SCHIP1: variants seen among roughly 807,000 people sequenced by gnomAD.
The protein encoded by SCHIP1 is schwannomin interacting protein 1.
SCHIP1 carries 8 observed loss-of-function variants against 29.7 expected under a neutral mutation model. The ratio of observed to expected loss-of-function variants is 0.27; its 90% CI spans 0.16 to 0.49. The LOEUF is 0.49. Among genes scored for constraint, SCHIP1 ranks in the 20% least tolerant of loss-of-function variants. SCHIP1 has a pLI of 0.99. For missense variants in SCHIP1, 193 were observed against 294.6 expected (o/e 0.66, Z 2.52); for synonymous variants, 76 against 94.9 (o/e 0.80, Z 1.16).
At chr3:159,539,368 GA>G in the SCHIP1 span, among the ~76,000 whole-genome samples, 1 of 135,982 alleles carries the variant, frequency 7.4e-6, no homozygotes, top group African/African-American at 2.5e-5. Flanking sequence ...GAAAAACAAG[GA>G]AAAAAGAAGA....
At chr3:159,634,222 T>C in the SCHIP1 span, among the ~76,000 whole-genome samples, 1 of 152,160 alleles carries the variant, frequency 6.6e-6, no homozygotes, top group Non-Finnish European at 1.5e-5. Context: ...GTGTATATTT[T>C]AAAAGAAAAA....
the SCHIP1 span, among the ~76,000 whole-genome samples, chr3:159,305,613 G>C: frequency 6.6e-6 from 1 of 152,120 alleles, no homozygotes; most frequent in African/African-American, 2.4e-5. Flanking sequence ...TCAACATGGA[G>C]ATACACTTAA....
chr3:159,497,845 C>G, the SCHIP1 span, among the ~76,000 whole-genome samples: 1 of 152,200 alleles, frequency 6.6e-6, no homozygotes, highest in Non-Finnish European at 1.5e-5. Context: ...CTCACATTAC[C>G]CAAGTACCCT....
At chr3:159,441,975 G>A in the SCHIP1 span, among the ~76,000 whole-genome samples, 4 of 152,090 alleles carry the variant, frequency 2.6e-5, no homozygotes, top group Non-Finnish European at 4.4e-5. Context: ...GGAATTATAA[G>A]CAGGAGGGAA....
At chr3:159,812,449 A>G in the SCHIP1 span, among the ~76,000 whole-genome samples, 1 of 152,208 alleles carries the variant, frequency 6.6e-6, no homozygotes, top group African/African-American at 2.4e-5. Flanking sequence ...TGATATTTCT[A>G]TGTTAAGGCC....
the SCHIP1 span, among the ~76,000 whole-genome samples, chr3:159,596,231 T>TA: frequency 6.6e-6 from 1 of 152,062 alleles, no homozygotes; most frequent in African/African-American, 2.4e-5. Context: ...GAGAAATGCA[T>TA]ATCAAAACCA....
the SCHIP1 span, among the ~76,000 whole-genome samples, chr3:159,734,135 CTT>C: frequency 4.3e-3 from 430 of 100,874 alleles, no homozygotes; most frequent in African/African-American, 0.011. Flanking sequence ...TTATTGTTTA[CTT>C]TTTTTTTTTT....
chr3:159,560,631 C>G, the SCHIP1 span, among the ~76,000 whole-genome samples: 1 of 152,142 alleles, frequency 6.6e-6, no homozygotes, highest in Admixed American at 6.6e-5. Flanking sequence ...ATGTTTTATT[C>G]CCATCATTGG....
At chr3:159,866,968 T>G (rs1003849998) in intron 2 of SCHIP1, among the ~76,000 whole-genome samples, 12 of 143,518 alleles carry the variant, frequency 8.4e-5, no homozygotes, top group African/African-American at 2.2e-4. Context: ...AAATGAAGAC[T>G]CTGATTCAGT....
At chr3:159,273,905 C>T in the SCHIP1 span, 2 of 1,612,316 alleles carry the variant, frequency 1.2e-6, no homozygotes, top group Non-Finnish European at 8.5e-7. Context: ...AAATGTCTAC[C>T]ATCTATTTTA....
At chr3:159,594,199 G>A in the SCHIP1 span, among the ~76,000 whole-genome samples, 1 of 152,220 alleles carries the variant, frequency 6.6e-6, no homozygotes, top group Admixed American at 6.5e-5. Context: ...GGAAGAAATG[G>A]CAACTTGGTG....
chr3:159,870,032 A>G (rs1169465208), intron 2 of SCHIP1, among the ~76,000 whole-genome samples: 1 of 151,988 alleles, frequency 6.6e-6, no homozygotes, highest in African/African-American at 2.4e-5. Flanking sequence ...GCTGGTGAAC[A>G]GAAATGCAAT....
At chr3:159,548,648 TTTAC>T in the SCHIP1 span, among the ~76,000 whole-genome samples, 1 of 152,070 alleles carries the variant, frequency 6.6e-6, no homozygotes, top group Non-Finnish European at 1.5e-5. Flanking sequence ...CTCTCTTAAG[TTTAC>T]TTACGCTTTC....
chr3:159,681,510 T>A, the SCHIP1 span, among the ~76,000 whole-genome samples: 3 of 152,206 alleles, frequency 2.0e-5, no homozygotes, highest in Non-Finnish European at 4.4e-5. Flanking sequence ...TTCATTGCAA[T>A]CATAGCATGG....
the SCHIP1 span, among the ~76,000 whole-genome samples, chr3:159,555,556 TTGA>T: frequency 6.6e-6 from 1 of 152,214 alleles, no homozygotes; most frequent in South Asian, 2.1e-4. Context: ...CTGCTCTTTC[TTGA>T]TGAGCAAATT....
At chr3:159,458,474 A>G in the SCHIP1 span, among the ~76,000 whole-genome samples, 1 of 152,216 alleles carries the variant, frequency 6.6e-6, no homozygotes, top group Admixed American at 6.5e-5. Context: ...GCTCCTGGAA[A>G]CTAAGAACAA....
intron 1 of SCHIP1, among the ~76,000 whole-genome samples, chr3:159,857,010 A>G (rs2109161711): frequency 6.6e-6 from 1 of 152,292 alleles, no homozygotes; most frequent in Non-Finnish European, 1.5e-5. Flanking sequence ...AACCATGTTA[A>G]GTTACCGAAG....
the SCHIP1 span, among the ~76,000 whole-genome samples, chr3:159,433,026 C>G: frequency 2.0e-4 from 31 of 152,214 alleles, no homozygotes; most frequent in African/African-American, 7.5e-4. Flanking sequence ...TCTAACATAG[C>G]ACAATAAAAA....
the SCHIP1 span, among the ~76,000 whole-genome samples, chr3:159,648,227 A>G: frequency 1.3e-5 from 2 of 151,476 alleles, no homozygotes; most frequent in Non-Finnish European, 3.0e-5. Context: ...CTTGACAGAA[A>G]GTTAGGGTGA....
Sources: gnomAD v4.1 joint callset for allele counts (sites outside exome capture counted in the v4.1 genomes callset) on GRCh38, gnomAD v4.1.1 for gene constraint, MANE v1.5 for transcripts, NCBI Gene and HGNC (gene_info 2026-07-23, HGNC 2026-07-21) for gene names.